The following BEST3 variants were observed in gnomAD, a reference collection of about 807,000 sequenced individuals.
BEST3 encodes bestrophin 3, also known as bestrophin-3.
In BEST3, 50 loss-of-function variants were observed where a neutral mutation model predicts 47.1. The observed-to-expected ratio is 1.06, with a 90% CI of 0.85 to 1.34. The LOEUF is 1.34. BEST3 is among the 40% of genes most tolerant of loss of function. The probability of loss-of-function intolerance (pLI) is 0.00; values close to 1 mark genes in which losing one functional copy is unlikely to be tolerated. For missense variants in BEST3, 765 were observed against 817.0 expected (o/e 0.94, Z 0.78); for synonymous variants, 282 against 298.8 (o/e 0.94, Z 0.58).
chr12:69,694,533 T>A, intron 2 of BEST3, 69 bp from the exon 3 acceptor site: 1 of 726,648 alleles, frequency 1.4e-6, no homozygotes. Context: ...CAAGTGACAT[T>A]AAGTGCAAAC....
intron 4 of BEST3, among the ~76,000 whole-genome samples, chr12:69,693,413 G>A (rs1205682389): frequency 4.0e-5 from 6 of 151,652 alleles, no homozygotes; most frequent in African/African-American, 1.2e-4. Context: ...ACAGGCACAC[G>A]CCACCACGCC....
intron 4 of BEST3, among the ~76,000 whole-genome samples, chr12:69,686,779 C>CAAAAAAAAAAAA (rs71094728): frequency 5.0e-5 from 5 of 99,380 alleles, no homozygotes; most frequent in South Asian, 2.8e-4. Context: ...CTCAAAAAAA[C>CAAAAAAAAAAAA]AAAAAAAAAA....
intron 4 of BEST3, 32 bp downstream of exon 4, chr12:69,693,642 G>T (rs1359020365): frequency 6.8e-7 from 1 of 1,480,158 alleles, no homozygotes; most frequent in Non-Finnish European, 9.4e-7. Flanking sequence ...CAGCTGAGAA[G>T]AGCCCATGGA....
intron 9 of BEST3, among the ~76,000 whole-genome samples, chr12:69,668,822 T>C (rs1197002705): frequency 6.6e-6 from 1 of 152,244 alleles, no homozygotes; most frequent in African/African-American, 2.4e-5. Context: ...CAGTCAGTCA[T>C]AGCAAATCCA....
Position 69,653,849 on chromosome 12 carries a change from ACT to A in BEST3, c.*1056_*1057del, listed in dbSNP as rs1883299507. On this transcript the variant is annotated 3_prime_UTR_variant, in exon 10 of 10. Transcript: ENST00000330891. The stretch of plus-strand genomic sequence containing the variant: ...CCCAAATGACCCGATAGACACAGTA[ACT>A]GGTCCCGTGTTGCGACACGATTAGG... The A allele has an allele frequency of 1.0e-6, 1 of 985,466 alleles. No individual in the cohort carries two copies. The highest frequency in any genetic ancestry group is 1.2e-6 in the Non-Finnish European group (1 of 829,960). The allele number at this position is 985,466 out of a possible 1,614,324, so 61.0% of individuals were successfully genotyped here.
intron 7 of BEST3, among the ~76,000 whole-genome samples, chr12:69,675,184 A>T (rs1397771783): frequency 6.6e-6 from 1 of 152,198 alleles, no homozygotes; most frequent in Non-Finnish European, 1.5e-5. Flanking sequence ...CAGTGGTGTG[A>T]ACATGGCTCA....
chr12:69,645,215 C>T (rs144555211), intron 9 of BEST3, among the ~76,000 whole-genome samples: 10 of 152,220 alleles, frequency 6.6e-5, no homozygotes, highest in East Asian at 1.9e-4. Context: ...ACCACACATC[C>T]GCTAGAGGAT....
chr12:69,654,276 G>C lies in BEST3; in HGVS notation c.*631C>G, dbSNP rs911734948. 1.0e-6 allele frequency: 1 copy of C among 984,724 alleles called. No homozygotes were observed. Among genetic ancestry groups the C allele is most frequent in the Non-Finnish European group, 1.2e-6 (1 of 829,424 alleles). The allele number at this position is 984,724 out of a possible 1,614,324, so 61.0% of individuals were successfully genotyped here. A position where few individuals can be genotyped will look rare whatever the true frequency, so the allele number is the denominator to read the frequency against. On this transcript the variant is annotated 3_prime_UTR_variant, in exon 10 of 10. Transcript: ENST00000330891. The stretch of plus-strand genomic sequence containing the variant: ...GGAGAAGGGAAGGGAAAAAAAGGAT[G>C]ACAGAATAAAAGGAAAAGAGAGAAA...
chr12:69,662,467 T>A (rs1883930042), intron 9 of BEST3, among the ~76,000 whole-genome samples: 1 of 152,182 alleles, frequency 6.6e-6, no homozygotes, highest in South Asian at 2.1e-4. Flanking sequence ...TATATTTGAA[T>A]TAATATCACT....
intron 4 of BEST3, among the ~76,000 whole-genome samples, chr12:69,693,327 G>A (rs1886000772): frequency 6.8e-6 from 1 of 147,430 alleles, no homozygotes; most frequent in Non-Finnish European, 1.5e-5. Context: ...CTGCAATCTC[G>A]GGTCACTGCA....
At chr12:69,652,203 C>G (rs1883232928), downstream of BEST3, among the ~76,000 whole-genome samples, 1 of 152,194 alleles carries the variant, frequency 6.6e-6, no homozygotes, top group Admixed American at 6.5e-5. Context: ...CTTGGCCTCA[C>G]CGCACTCTCT....
chr12:69,660,151 TA>T (rs1205279531), intron 9 of BEST3: 4 of 152,354 alleles, frequency 2.6e-5, no homozygotes, highest in African/African-American at 9.6e-5. Context: ...AAGCTGGTGA[TA>T]ATTATCCTTT....
chr12:69,680,457 T>C (rs944924934), intron 4 of BEST3, among the ~76,000 whole-genome samples: 7 of 151,856 alleles, frequency 4.6e-5, no homozygotes, highest in East Asian at 1.9e-4. Flanking sequence ...TACAGGCACC[T>C]GCCACCACGC....
chr12:69,685,100 C>A (rs1885501360), intron 4 of BEST3, among the ~76,000 whole-genome samples: 1 of 151,850 alleles, frequency 6.6e-6, no homozygotes, highest in Non-Finnish European at 1.5e-5. Flanking sequence ...TTAAGAATCC[C>A]ATAATGAGTT....
chr12:69,661,172 C>A (rs1883850488), intron 9 of BEST3: 1 of 152,126 alleles, frequency 6.6e-6, no homozygotes, highest in Admixed American at 6.5e-5. Flanking sequence ...TAATGCATTT[C>A]TCCAAAGAAA....
intron 4 of BEST3, among the ~76,000 whole-genome samples, chr12:69,686,015 T>C (rs557402999): frequency 3.0e-4 from 45 of 152,086 alleles, no homozygotes; most frequent in Non-Finnish European, 4.9e-4. Flanking sequence ...TGTTCCGGGC[T>C]CATCATGTGA....
Position 69,655,128 on chromosome 12 carries a change from G to A in BEST3, c.1786C>T (p.Leu596=). 6.2e-7 allele frequency: 1 copy of A among 1,614,158 alleles called. No homozygotes were observed. Among genetic ancestry groups the A allele is most frequent in the Non-Finnish European group, 8.5e-7 (1 of 1,180,028 alleles). Residue 596 remains leucine (L), a synonymous_variant, in exon 10 of 10, where the codon CTG becomes TTG. Transcript: ENST00000330891. ...FLKRWSLPGF[L]GSSHTSLGNL... ...CCCAGGGAAGTGTGGCTGGACCCCAGGAATCCCGGAAGACTCCACCTTTTT... is the reference window on the plus strand; with the variant it reads ...CCCAGGGAAGTGTGGCTGGACCCCAAGAATCCCGGAAGACTCCACCTTTTT...
chr12:69,699,095 C>G, intron 1 of BEST3, 110 bp downstream of exon 1: 1 of 613,246 alleles, frequency 1.6e-6, no homozygotes, highest in Non-Finnish European at 2.0e-6. Context: ...ATTAACTTTC[C>G]TTTCTTTCAT....
intron 9 of BEST3, among the ~76,000 whole-genome samples, chr12:69,663,915 CAG>C (rs1332227860): frequency 6.6e-6 from 1 of 152,140 alleles, no homozygotes; most frequent in Non-Finnish European, 1.5e-5. Flanking sequence ...ACAAGCAAAA[CAG>C]AGTCAACTGA....
Sources: gnomAD v4.1 joint callset for allele counts (sites outside exome capture counted in the v4.1 genomes callset) on GRCh38, gnomAD v4.1.1 for gene constraint, MANE v1.5 for transcripts, NCBI Gene and HGNC (gene_info 2026-07-23, HGNC 2026-07-21) for gene names.